CYP3A5: variants seen among roughly 807,000 people sequenced by gnomAD.
The protein encoded by CYP3A5 is cytochrome P450 family 3 subfamily A member 5.
CYP3A5 carries 51 observed loss-of-function variants against 55.9 expected under a neutral mutation model. The ratio of observed to expected loss-of-function variants is 0.91; its 90% CI spans 0.73 to 1.15. The LOEUF (loss-of-function observed/expected upper bound fraction) is 1.15. Ranked by LOEUF, CYP3A5 falls within the 50% of genes most tolerant of loss-of-function variation. The pLI is 0.00. For missense variants in CYP3A5, 533 were observed against 596.6 expected (o/e 0.89, Z 1.11); for synonymous variants, 196 against 213.9 (o/e 0.92, Z 0.73).
intron 10 of CYP3A5, among the ~76,000 whole-genome samples, chr7:99,657,291 CT>C (rs1809849979): frequency 6.6e-6 from 1 of 152,080 alleles, no homozygotes; most frequent in Non-Finnish European, 1.5e-5. Flanking sequence ...TGTCTTTGTT[CT>C]TGTTGGTTTC....
rs766452261 is a variant in CYP3A5 at position 99,652,541 on chromosome 7, G to A, written c.1253+12C>T. ...GGGTCAGGGTGAGCTCCATTTCCCT[G>A]GAGACTTGTACCTTTCAGGGCGGAA... is the stretch of plus-strand genomic sequence containing the variant. On this transcript the variant is annotated intron_variant, in intron 11 of 12. Coordinates refer to ENST00000222982, the MANE Select transcript of CYP3A5 (RefSeq NM_000777.5). 7 of 1,580,056 alleles carry A rather than the reference G, an allele frequency of 4.4e-6. No homozygotes were observed. Among genetic ancestry groups the A allele is most frequent in the Non-Finnish European group, 6.0e-6 (7 of 1,158,586 alleles).
At position 99,664,035 on chromosome 7, in the gene CYP3A5, T is replaced by C; in HGVS notation, c.731A>G (p.Asp244Gly). 1 of 1,601,686 alleles carries C rather than the reference T, an allele frequency of 6.2e-7. No individual in the cohort carries two copies. Among genetic ancestry groups the C allele is most frequent in the Middle Eastern group, 1.7e-4 (1 of 6,032 alleles). The change falls in exon 8 of 13, where the codon GAT (aspartate) becomes GGT (glycine). Residue 244 changes from aspartate to glycine, a missense_variant. Transcript: ENST00000222982. ...AGATTTACTTAAAAAATTTATGGTA[T>C]CTTTTGGAAACAGAGAGACATTTAA... The part of the protein sequence containing the change: ...EALNVSLFPK[D>G]TINFLSKSVN...
At chr7:99,661,348 A>G (rs1247127383) in intron 9 of CYP3A5, among the ~76,000 whole-genome samples, 1 of 152,240 alleles carries the variant, frequency 6.6e-6, no homozygotes, top group Non-Finnish European at 1.5e-5. Context: ...CTTAAGCAGC[A>G]TGGATTACAT....
intron 4 of CYP3A5, among the ~76,000 whole-genome samples, chr7:99,670,583 T>C (rs778648009): frequency 2.6e-5 from 4 of 152,200 alleles, no homozygotes; most frequent in Non-Finnish European, 2.9e-5. Context: ...TGAAATGGAA[T>C]GCCTAGAGCT....
intron 1 of CYP3A5, 129 bp downstream of exon 1, chr7:99,679,697 T>C (rs925652876): frequency 1.2e-6 from 1 of 808,072 alleles, no homozygotes; most frequent in African/African-American, 1.7e-5. Flanking sequence ...TATGCGTTTG[T>C]AGCGTCCAAC....
chr7:99,660,614 A>G lies in CYP3A5; in HGVS notation c.911T>C (p.Phe304Ser), dbSNP rs1584432503. 1 of 1,614,084 alleles carries G rather than the reference A, an allele frequency of 6.2e-7. No homozygotes were observed. The highest frequency in any genetic ancestry group is 2.2e-5 in the East Asian group (1 of 44,882). ...ACTGCTGGTGGTTTCATAGCCAGCAAAAATGAAGATTATTGACTGGGCTGC... is the reference window on the plus strand; with the variant it reads ...ACTGCTGGTGGTTTCATAGCCAGCAGAAATGAAGATTATTGACTGGGCTGC... Reference protein sequence around the residue: ...ELAAQSIIFIFAGYETTSSVL... With the variant: ...ELAAQSIIFISAGYETTSSVL... The change falls in exon 10 of 13, where the codon TTT becomes TCT. Residue 304 changes from phenylalanine (F) to serine (S), a missense_variant. Transcript: ENST00000222982.
chr7:99,657,761 G>A (rs547130008), intron 10 of CYP3A5, among the ~76,000 whole-genome samples: 1 of 152,292 alleles, frequency 6.6e-6, no homozygotes, highest in South Asian at 2.1e-4. Context: ...ATGAATCTGG[G>A]TGCTCCTGTA....
chr7:99,655,265 A>G (rs1809594864), intron 10 of CYP3A5, among the ~76,000 whole-genome samples: 1 of 152,210 alleles, frequency 6.6e-6, no homozygotes, highest in African/African-American at 2.4e-5. Context: ...ATAAGGTGTA[A>G]GGAAGGGATC....
rs1473697149 is a variant in CYP3A5, at chr7:99,662,959, A to G, written c.799-77T>C. On this transcript the variant is annotated intron_variant, in intron 8 of 12. Transcript: ENST00000222982. The surrounding 1 kb of genome is among the most constrained non-coding windows in gnomAD (Gnocchi z 4.3). ...AAGTAAATCAAAAGTGCAGTCCTCA[A>G]CCTCCCTTCTTGACTTCCCTCCCTC... The G allele has an allele frequency of 1.3e-6, 2 of 1,588,294 alleles. No homozygotes were observed. Among genetic ancestry groups the G allele is most frequent in the Non-Finnish European group, 1.7e-6 (2 of 1,165,578 alleles).
intron 6 of CYP3A5, among the ~76,000 whole-genome samples, chr7:99,666,308 A>AATC (rs1811014200): frequency 6.6e-6 from 1 of 152,144 alleles, no homozygotes. Flanking sequence ...ACTTTGATAC[A>AATC]ATCATGTTTT....
At position 99,662,776 on chromosome 7, in the gene CYP3A5, G is replaced by A. The variant is rs751478483; in HGVS notation, c.865+40C>T. ...TTTCAGAACAAGGCCCTCCCTCTTAGTGTCCCCGCCAGTAGCCCTCAGAAG... is the reference window on the plus strand; with the variant it reads ...TTTCAGAACAAGGCCCTCCCTCTTAATGTCCCCGCCAGTAGCCCTCAGAAG... On this transcript the variant is annotated intron_variant, in intron 9 of 12. Coordinates refer to ENST00000222982, the MANE Select transcript of CYP3A5 (RefSeq NM_000777.5). This position sits in a 1 kb window ranked among gnomAD's most constrained non-coding sequence, Gnocchi z 4.3. 1.8e-5 allele frequency: 28 copies of A among 1,576,074 alleles called. No homozygotes were observed. Among genetic ancestry groups the A allele is most frequent in the African/African-American group, 2.7e-5 (2 of 73,942 alleles).
At chr7:99,667,096 A>G (rs377576847) in intron 4 of CYP3A5, 31 bp from the exon 5 acceptor site, 528 of 1,588,000 alleles carry the variant, frequency 3.3e-4, no homozygotes, top group Non-Finnish European at 4.3e-4. Context: ...TTTTTCTCAC[A>G]TTAGTTGTGG....
intron 1 of CYP3A5, among the ~76,000 whole-genome samples, chr7:99,678,152 T>C (rs41300734): frequency 0.01 from 1,582 of 152,340 alleles, 12 homozygotes; most frequent in Non-Finnish European, 0.015. Flanking sequence ...ATTGTCTGCC[T>C]GGCTGCCCGA....
intron 1 of CYP3A5, among the ~76,000 whole-genome samples, chr7:99,677,818 C>T (rs774290416): frequency 1.2e-4 from 19 of 152,168 alleles, no homozygotes; most frequent in African/African-American, 3.9e-4. Context: ...AATCTCTGCT[C>T]CTGAACTTTA....
At chr7:99,670,317 A>G (rs1811470000) in intron 4 of CYP3A5, among the ~76,000 whole-genome samples, 2 of 152,194 alleles carry the variant, frequency 1.3e-5, no homozygotes, top group Admixed American at 1.3e-4. Context: ...ACTTAACAAT[A>G]CAATGTTTCA....
intron 7 of CYP3A5, among the ~76,000 whole-genome samples, chr7:99,664,474 C>T (rs1256002594): frequency 6.6e-6 from 1 of 152,150 alleles, no homozygotes; most frequent in African/African-American, 2.4e-5. Flanking sequence ...ATTAACACAG[C>T]ATATGTACAT....
At chr7:99,655,638 C>T (rs963967790) in intron 10 of CYP3A5, among the ~76,000 whole-genome samples, 15 of 152,214 alleles carry the variant, frequency 9.9e-5, no homozygotes, top group South Asian at 6.2e-4. Context: ...AGCTTGATGG[C>T]GATGGCACTG....
intron 1 of CYP3A5, among the ~76,000 whole-genome samples, chr7:99,679,104 A>G (rs1812576466): frequency 1.3e-5 from 2 of 152,246 alleles, no homozygotes; most frequent in Non-Finnish European, 2.9e-5. Context: ...GGGAGGAAAA[A>G]GATTAAAGCA....
chr7:99,666,721 A>G (rs1246212777), intron 5 of CYP3A5, 32 bp from the exon 6 acceptor site: 3 of 1,613,846 alleles, frequency 1.9e-6, no homozygotes, highest in Non-Finnish European at 2.5e-6. Context: ...ACCTGTAGTT[A>G]AATGTGCAGA....
Sources: allele counts gnomAD v4.1 joint callset (sites outside exome capture counted in the v4.1 genomes callset), GRCh38; gene constraint gnomAD v4.1.1; non-coding constraint Gnocchi (gnomAD v3.1); transcripts MANE v1.5; gene names NCBI Gene and HGNC (gene_info 2026-07-23, HGNC 2026-07-21).